CELF4: variants seen among roughly 807,000 people sequenced by gnomAD.
The protein encoded by CELF4 is CUGBP Elav-like family member 4.
A neutral mutation model predicts 59.9 loss-of-function variants in CELF4; 18 were observed. The observed-to-expected ratio is 0.30, with a 90% CI of 0.21 to 0.45. The LOEUF (loss-of-function observed/expected upper bound fraction) is 0.45, where lower values mean the gene tolerates loss of function less well. CELF4 is among the 20% of genes least tolerant of loss of function. The pLI is 1.00. For missense variants in CELF4, 456 were observed against 689.0 expected (o/e 0.66, Z 3.79); for synonymous variants, 261 against 267.1 (o/e 0.98, Z 0.22).
chr18:37,297,918 C>T (rs2095759742), intron 3 of CELF4, among the ~76,000 whole-genome samples: 1 of 152,234 alleles, frequency 6.6e-6, no homozygotes. Context: ...AGCAGGCTGC[C>T]TTCTCCAGGC....
intron 2 of CELF4, among the ~76,000 whole-genome samples, chr18:37,370,363 G>A (rs1458841536): frequency 6.6e-6 from 1 of 152,142 alleles, no homozygotes; most frequent in African/African-American, 2.4e-5. Context: ...TTGGTCTTGG[G>A]TGTTACTGGA....
At chr18:37,555,948 G>A (rs925085991) in intron 1 of CELF4, among the ~76,000 whole-genome samples, 4 of 152,132 alleles carry the variant, frequency 2.6e-5, no homozygotes, top group Non-Finnish European at 5.9e-5. Context: ...ATGTAAGTGT[G>A]CGTGTGACTG....
chr18:37,409,746 C>T (rs2154591864), intron 2 of CELF4, among the ~76,000 whole-genome samples: 1 of 152,256 alleles, frequency 6.6e-6, no homozygotes, highest in African/African-American at 2.4e-5. Flanking sequence ...AGTGTCAGGA[C>T]TCTGGGTCTA....
chr18:37,562,891 G>C (rs2154606353), intron 1 of CELF4, among the ~76,000 whole-genome samples: 1 of 152,206 alleles, frequency 6.6e-6, no homozygotes, highest in East Asian at 1.9e-4. Flanking sequence ...GTTTCACTGG[G>C]AAAAATATAT....
At chr18:37,354,897 G>A (rs2098537635) in intron 2 of CELF4, among the ~76,000 whole-genome samples, 1 of 152,238 alleles carries the variant, frequency 6.6e-6, no homozygotes, top group East Asian at 1.9e-4. Context: ...TAGCACTTAG[G>A]CCTCAGTGAG....
chr18:37,390,810 G>C (rs1202973640), intron 2 of CELF4, among the ~76,000 whole-genome samples: 2 of 138,646 alleles, frequency 1.4e-5, no homozygotes, highest in African/African-American at 5.3e-5. Flanking sequence ...GGCGGGGAGG[G>C]GGGGCAGTGC....
At chr18:37,380,602 C>T (rs369099591) in intron 2 of CELF4, among the ~76,000 whole-genome samples, 106 of 152,092 alleles carry the variant, frequency 7.0e-4, no homozygotes, top group Middle Eastern at 6.8e-3. Context: ...ATCCATTCAT[C>T]CACCATTCAT....
intron 2 of CELF4, among the ~76,000 whole-genome samples, chr18:37,379,483 G>T (rs2099010801): frequency 1.0e-5 from 1 of 98,106 alleles, no homozygotes; most frequent in Non-Finnish European, 1.8e-5. Context: ...GCCAGCTCTG[G>T]CATCACAAAT....
At chr18:37,327,806 C>T (rs1240630648) in intron 2 of CELF4, among the ~76,000 whole-genome samples, 3 of 152,068 alleles carry the variant, frequency 2.0e-5, no homozygotes, top group Non-Finnish European at 4.4e-5. Context: ...ACGCTGGGCC[C>T]CAGCAGGGCC....
At chr18:37,366,036 T>C (rs1267057832) in intron 2 of CELF4, among the ~76,000 whole-genome samples, 1 of 152,170 alleles carries the variant, frequency 6.6e-6, no homozygotes, top group East Asian at 1.9e-4. Flanking sequence ...GGAAGAACTT[T>C]CTAGCTTTTA....
intron 8 of CELF4, among the ~76,000 whole-genome samples, chr18:37,270,352 C>A (rs909152257): frequency 3.3e-5 from 5 of 152,238 alleles, no homozygotes; most frequent in Non-Finnish European, 7.3e-5. Context: ...TACCTCCCTC[C>A]ACTCCTTCCC....
chr18:37,378,729 G>A (rs2099001212), intron 2 of CELF4, among the ~76,000 whole-genome samples: 1 of 152,174 alleles, frequency 6.6e-6, no homozygotes, highest in Non-Finnish European at 1.5e-5. Flanking sequence ...GCCGGTCTGA[G>A]CTGATTGGCT....
intron 3 of CELF4, among the ~76,000 whole-genome samples, chr18:37,315,720 A>G (rs2096844834): frequency 6.6e-6 from 1 of 152,144 alleles, no homozygotes; most frequent in Non-Finnish European, 1.5e-5. Context: ...CGGGAAAGAA[A>G]CGTCCTCCCC....
At chr18:37,408,857 C>G (rs943748038) in intron 2 of CELF4, among the ~76,000 whole-genome samples, 1 of 152,176 alleles carries the variant, frequency 6.6e-6, no homozygotes, top group Non-Finnish European at 1.5e-5. Flanking sequence ...GTTTGTCTCC[C>G]TCTCCACCTG....
intron 2 of CELF4, among the ~76,000 whole-genome samples, chr18:37,391,949 C>G (rs921618998): frequency 6.6e-6 from 1 of 152,196 alleles, no homozygotes; most frequent in Non-Finnish European, 1.5e-5. Context: ...AAGCCTGGAT[C>G]CAAGGCACAA....
At chr18:37,329,119 TC>T (rs112346348) in intron 2 of CELF4, among the ~76,000 whole-genome samples, 29,326 of 152,192 alleles carry the variant, frequency 0.19, 3,102 homozygotes, top group Non-Finnish European at 0.23. Flanking sequence ...GGCATTTACC[TC>T]CTATGCAGAG....
intron 2 of CELF4, among the ~76,000 whole-genome samples, chr18:37,442,729 A>C (rs995188885): frequency 6.6e-6 from 1 of 152,164 alleles, no homozygotes; most frequent in African/African-American, 2.4e-5. Context: ...CGCTGGTAGC[A>C]CAGTCTGCAA....
intron 2 of CELF4, among the ~76,000 whole-genome samples, chr18:37,390,968 C>T (rs866408882): frequency 9.9e-5 from 15 of 152,138 alleles, no homozygotes; most frequent in East Asian, 7.7e-4. Flanking sequence ...GCGGGCCACC[C>T]GTCCTCCCTC....
intron 2 of CELF4, among the ~76,000 whole-genome samples, chr18:37,433,133 C>T (rs1569569389): frequency 6.6e-6 from 1 of 152,174 alleles, no homozygotes; most frequent in Non-Finnish European, 1.5e-5. Context: ...CCCCGTTCAC[C>T]TCTCTTAAGT....
Sources: allele counts gnomAD v4.1 joint callset (sites outside exome capture counted in the v4.1 genomes callset), GRCh38; gene constraint gnomAD v4.1.1; transcripts MANE v1.5; gene names NCBI Gene and HGNC (gene_info 2026-07-23, HGNC 2026-07-21).